Variants in DNAAF1 observed in about 807,000 individuals in gnomAD.
The protein encoded by DNAAF1 is dynein assembly factor 1, axonemal.
A neutral mutation model predicts 71.1 loss-of-function variants in DNAAF1; 65 were observed. That is an observed-to-expected ratio of 0.91 (90% CI 0.75 to 1.12). The LOEUF (loss-of-function observed/expected upper bound fraction) is 1.12. Ranked by LOEUF, DNAAF1 falls within the 50% of genes most tolerant of loss-of-function variation. The pLI, the probability that DNAAF1 is intolerant of heterozygous loss-of-function variation, is 0.00. For missense variants in DNAAF1, 1,178 were observed against 899.8 expected, an observed-to-expected ratio of 1.31 and a Z score of -3.96; for synonymous variants, 414 against 354.6, an observed-to-expected ratio of 1.17 and a Z score of -1.88.
Position 84,150,325 on chromosome 16 carries a change from T to TGGG in DNAAF1, c.336_337insGGG (p.Leu112_Tyr113insGly). On this transcript the variant is annotated inframe_insertion, in exon 3 of 12. Transcript: ENST00000378553. ...ATTACCCCAGCATTGAATGATACGC[T>TGGG]GTATTTACACTTTAAAGGTAAGGAC... 1 of 1,612,924 alleles carries TGGG rather than the reference T, an allele frequency of 6.2e-7. No homozygotes were observed. The highest frequency in any genetic ancestry group is 1.1e-5 in the South Asian group (1 of 91,062).
At position 84,176,466 on chromosome 16, in the gene DNAAF1, G is replaced by T. The variant is rs904407084; in HGVS notation, c.2065+167G>T. On this transcript the variant is annotated intron_variant, in intron 11 of 11. Transcript: ENST00000378553. ...TGAAGGTCCCATTCCTGAGTTCACGGGTCTGAAGCTGCCACTTGCTGGTAG... is the reference window on the plus strand; with the variant it reads ...TGAAGGTCCCATTCCTGAGTTCACGTGTCTGAAGCTGCCACTTGCTGGTAG... 30 of 1,108,992 alleles carry T rather than the reference G, an allele frequency of 2.7e-5. No individual in the cohort carries two copies. In the Admixed American group the frequency reaches 5.4e-4, roughly 20 times the overall value. The allele number at this position is 1,108,992 out of a possible 1,614,324, so 68.7% of individuals were successfully genotyped here.
At chr16:84,177,582 G>A (rs764901972) in intron 11 of DNAAF1, 147 bp from the exon 12 acceptor site, 4 of 714,636 alleles carry the variant, frequency 5.6e-6, no homozygotes, top group Non-Finnish European at 7.6e-6. Context: ...GTTTGCCTCG[G>A]CCTCCCAAAG....
rs749406461 is a variant in DNAAF1, at chr16:84,145,400, C to A, written c.-41C>A. 1.3e-6 allele frequency: 2 copies of A among 1,566,782 alleles called. No individual in the cohort carries two copies. The highest frequency in any genetic ancestry group is 1.7e-6 in the Non-Finnish European group (2 of 1,156,252). On this transcript the variant is annotated 5_prime_UTR_variant, in exon 1 of 12. Coordinates refer to ENST00000378553, the MANE Select transcript of DNAAF1 (RefSeq NM_178452.6). ...TAGCGACGTCCGCCGCGAACCTGGG[C>A]CCCCCAAAGCTGCGGGGCGTTCGGT...
chr16:84,175,350 T>C (rs1597494114), intron 10 of DNAAF1: 1 of 180,114 alleles, frequency 5.6e-6, no homozygotes, highest in Non-Finnish European at 1.2e-5. Context: ...TGTCTGAATA[T>C]AGGGGAAGGA....
In DNAAF1 at chr16:84,157,946, G is replaced by C. The variant is rs140746192; in HGVS notation, c.742-1729G>C. ...CTCGTGGCCAGGCACAGTGGCTCAC[G>C]CCTGTAATCCCAGCGCTCTGGGAGG... On this transcript the variant is annotated intron_variant, in intron 5 of 11. Coordinates refer to ENST00000378553, the MANE Select transcript of DNAAF1 (RefSeq NM_178452.6). Among the ~76,000 whole-genome samples, 1,004 of 152,204 alleles carry C rather than the reference G, an allele frequency of 6.6e-3. 10 individuals carry two copies. The highest frequency in any genetic ancestry group is 0.023 in the African/African-American group (951 of 41,530).
chr16:84,162,722 G>A (rs2087771542), intron 6 of DNAAF1, among the ~76,000 whole-genome samples: 1 of 152,112 alleles, frequency 6.6e-6, no homozygotes, highest in African/African-American at 2.4e-5. Context: ...GGGAGGCTGA[G>A]GCAAGAGAAT....
At chr16:84,148,596 C>CTCTCTCTCTCTTTTTTTTTTT in intron 1 of DNAAF1, among the ~76,000 whole-genome samples, 3 of 43,576 alleles carry the variant, frequency 6.9e-5, no homozygotes, top group African/African-American at 2.8e-4. Context: ...CTCTCTCTCT[C>CTCTCTCTCTCTTTTTTTTTTT]TTTTTTTTTT....
chr16:84,170,312 C>T lies in DNAAF1; in HGVS notation c.1484C>T (p.Pro495Leu), dbSNP rs1237540749. The T allele has an allele frequency of 7.4e-6, 12 of 1,611,818 alleles. No homozygotes were observed. Among genetic ancestry groups the T allele is most frequent in the Non-Finnish European group, 1.0e-5 (12 of 1,179,088 alleles). Residue 495 changes from proline (P) to leucine (L), a missense_variant, in exon 8 of 12, where the codon CCA becomes CTA. By Grantham distance (98) the Pro-to-Leu change is moderately conservative (BLOSUM62 -3). Coordinates refer to ENST00000378553, the MANE Select transcript of DNAAF1 (RefSeq NM_178452.6). ...GATCGAGAGCCAGAGGGGACCCTCC[C>T]AGCTGAGGCCCCACCACCACCGCCC... ...DGDREPEGTL[P>L]AEAPPPPPLG...
chr16:84,174,833 G>C (rs1375576159), intron 10 of DNAAF1, 111 bp downstream of exon 10: 2 of 1,338,206 alleles, frequency 1.5e-6, no homozygotes, highest in East Asian at 4.8e-5. Context: ...TGTGCATAAA[G>C]CATTGAATTC....
chr16:84,165,841 C>G lies in DNAAF1; in HGVS notation c.922C>G (p.Gln308Glu), dbSNP rs372303284. ...GYAAEKEERQ[Q>E]WESRERKKIT... ...CGCAGCTGAAAAGGAGGAGAGACAG[C>G]AGTGGGAGAGCAGGGAGCGGAAGAA... is the stretch of plus-strand genomic sequence containing the variant. Residue 308 changes from glutamine (Q) to glutamate (E), a missense_variant, in exon 7 of 12, where the codon CAG becomes GAG. By Grantham distance (29) the Gln-to-Glu change is conservative. Transcript: ENST00000378553. 6.2e-7 allele frequency: 1 copy of G among 1,613,326 alleles called. No homozygotes were observed. The highest frequency in any genetic ancestry group is 1.3e-5 in the African/African-American group (1 of 74,684).
At position 84,168,827 on chromosome 16, in the gene DNAAF1, T is replaced by TACACGCAC. The variant is rs145304597; in HGVS notation, c.1031-1028_1031-1027insGCACACAC. On this transcript the variant is annotated intron_variant, in intron 7 of 11. Transcript: ENST00000378553. ...CATAATTTGCTACACATTTGCCACA[T>TACACGCAC]ACACACACACACACACACACACACA... Among the ~76,000 whole-genome samples, 358 of 145,994 alleles carry TACACGCAC rather than the reference T, an allele frequency of 2.5e-3. 4 individuals are homozygous for TACACGCAC. The highest frequency in any genetic ancestry group is 4.6e-3 in the Non-Finnish European group (304 of 66,670).
chr16:84,174,143 A>G, intron 9 of DNAAF1: 6 of 992,232 alleles, frequency 6.0e-6, no homozygotes, highest in Non-Finnish European at 7.2e-6. Flanking sequence ...GGGAGTAACA[A>G]CCTAGGCACC....
intron 7 of DNAAF1, among the ~76,000 whole-genome samples, chr16:84,166,299 T>C (rs1045432722): frequency 2.0e-5 from 3 of 151,498 alleles, no homozygotes; most frequent in Non-Finnish European, 4.4e-5. Flanking sequence ...GTGATCTGCC[T>C]GCCTTGGCTT....
chr16:84,154,728 C>T lies in DNAAF1; in HGVS notation c.504C>T (p.Asn168=). ...LQMNLLRKIE[N]LEPLQKLDAL... is the part of the protein sequence containing the mutation. ...TGAACTTGCTCCGTAAAATTGAGAA[C>T]CTGGAACCTCTGCAGAAACTGGATG... The change falls in exon 4 of 12, where the codon AAC becomes AAT. Residue 168 remains asparagine, a synonymous_variant. Coordinates refer to ENST00000378553, the MANE Select transcript of DNAAF1 (RefSeq NM_178452.6). The T allele has an allele frequency of 6.2e-7, 1 of 1,614,082 alleles. No individual in the cohort carries two copies. Among genetic ancestry groups the T allele is most frequent in the Non-Finnish European group, 8.5e-7 (1 of 1,180,004 alleles).
chr16:84,148,120 C>A (rs960619071), intron 1 of DNAAF1, among the ~76,000 whole-genome samples: 1 of 152,064 alleles, frequency 6.6e-6, no homozygotes, highest in Non-Finnish European at 1.5e-5. Context: ...CTTTTCTCCC[C>A]TGTACCCCAC....
intron 7 of DNAAF1, 42 bp from the exon 8 acceptor site, chr16:84,169,817 C>A (rs754697540): frequency 6.2e-7 from 1 of 1,611,978 alleles, no homozygotes; most frequent in East Asian, 2.2e-5. Flanking sequence ...CCTTGTCCTC[C>A]CAGGACACTC....
At chr16:84,163,873 T>TGGGGG (rs1555523655) in intron 6 of DNAAF1, among the ~76,000 whole-genome samples, 20 of 149,464 alleles carry the variant, frequency 1.3e-4, no homozygotes, top group East Asian at 4.0e-4. Context: ...TTTTTTTTTT[T>TGGGGG]GTGGGGGACA....
chr16:84,172,183 A>G (rs2088393402), intron 8 of DNAAF1, 77 bp from the exon 9 acceptor site: 1 of 1,393,464 alleles, frequency 7.2e-7, no homozygotes. Flanking sequence ...GGCCCTTGGG[A>G]GCCCATCTTC....
chr16:84,169,607 G>C (rs561415320), intron 7 of DNAAF1, among the ~76,000 whole-genome samples: 1 of 152,092 alleles, frequency 6.6e-6, no homozygotes, highest in African/African-American at 2.4e-5. Context: ...TTTTAGTGGA[G>C]ATGGGGTTTC....
Sources: allele counts gnomAD v4.1 joint callset (sites outside exome capture counted in the v4.1 genomes callset), GRCh38; gene constraint gnomAD v4.1.1; transcripts MANE v1.5; gene names NCBI Gene and HGNC (gene_info 2026-07-23, HGNC 2026-07-21).